The following SOX5 variants were observed in gnomAD, a reference collection of about 807,000 sequenced individuals.
SOX5 encodes the protein transcription factor SOX-5.
Under a neutral mutation model 92.0 loss-of-function variants are expected in SOX5, and 9 were observed. The ratio of observed to expected loss-of-function variants is 0.10; its 90% CI spans 0.06 to 0.17. The LOEUF is 0.17. SOX5 is among the 10% of genes least tolerant of loss of function. SOX5 has a pLI of 1.00. For synonymous variants in SOX5, 344 were observed against 336.3 expected, an observed-to-expected ratio of 1.02 and a Z score of -0.25; for missense variants, 642 against 944.5, an observed-to-expected ratio of 0.68 and a Z score of 4.20.
At chr12:24,118,361 C>A (rs1357688654) in intron 4 of SOX5, among the ~76,000 whole-genome samples, 1 of 151,698 alleles carries the variant, frequency 6.6e-6, no homozygotes, top group African/African-American at 2.4e-5. Flanking sequence ...CACATTGTAC[C>A]CCATAAGTAT....
intron 11 of SOX5, among the ~76,000 whole-genome samples, chr12:23,558,221 C>A (rs1271968827): frequency 1.3e-5 from 2 of 152,140 alleles, no homozygotes; most frequent in African/African-American, 4.8e-5. Flanking sequence ...TCAGAGAAGA[C>A]AGGATTAGCT....
At chr12:24,238,250 G>T (rs1409458437) in intron 3 of SOX5, among the ~76,000 whole-genome samples, 2 of 152,306 alleles carry the variant, frequency 1.3e-5, no homozygotes, top group Non-Finnish European at 1.5e-5. Context: ...ATGGTGGATA[G>T]CAGAGAGGCA....
At chr12:24,533,920 T>C (rs1951408714) in intron 1 of SOX5, among the ~76,000 whole-genome samples, 1 of 152,188 alleles carries the variant, frequency 6.6e-6, no homozygotes, top group Non-Finnish European at 1.5e-5. Context: ...GAATGTATAT[T>C]ATGAATAATG....
intron 4 of SOX5, among the ~76,000 whole-genome samples, chr12:24,157,184 C>T (rs182155503): frequency 2.6e-5 from 4 of 152,074 alleles, no homozygotes; most frequent in Non-Finnish European, 4.4e-5. Context: ...TCGTGGCATT[C>T]CTATACATAG....
chr12:24,476,387 C>T (rs182713939), intron 1 of SOX5, among the ~76,000 whole-genome samples: 12 of 152,268 alleles, frequency 7.9e-5, no homozygotes, highest in African/African-American at 2.2e-4. Context: ...CTTTGCAAAG[C>T]GCTCATGTAG....
chr12:24,069,430 G>T (rs922917202), intron 4 of SOX5, among the ~76,000 whole-genome samples: 2 of 152,248 alleles, frequency 1.3e-5, no homozygotes, highest in Admixed American at 1.3e-4. Context: ...CAAAGCAACT[G>T]TGTAATTAAA....
intron 2 of SOX5, among the ~76,000 whole-genome samples, chr12:24,279,209 G>T (rs1190294555): frequency 6.6e-6 from 1 of 152,052 alleles, no homozygotes; most frequent in Non-Finnish European, 1.5e-5. Context: ...TATGGCAAAA[G>T]ATTGGAAATA....
intron 1 of SOX5, among the ~76,000 whole-genome samples, chr12:23,929,411 G>A (rs563693408): frequency 1.3e-5 from 2 of 151,954 alleles, no homozygotes; most frequent in South Asian, 4.2e-4. Flanking sequence ...AAAACATTCT[G>A]TGCTGTGAGC....
At position 23,795,652 on chromosome 12, in the gene SOX5, A is replaced by G. The variant is rs145305432; in HGVS notation, c.482-39928T>C. Reference sequence around the variant, plus strand: ...CAAATAATCCGGGAAAACAGAAAAAATGCTGAATGGGAGTTTTGTGGGTAG... The same window carrying G: ...CAAATAATCCGGGAAAACAGAAAAAGTGCTGAATGGGAGTTTTGTGGGTAG... On this transcript the variant is annotated intron_variant, in intron 3 of 14. Transcript: ENST00000451604. Among the ~76,000 whole-genome samples the G allele has an allele frequency of 1.5e-3, 227 of 152,194 alleles. 4 individuals are homozygous for G. Among genetic ancestry groups the G allele is most frequent in the Middle Eastern group, 6.8e-3 (2 of 294 alleles).
chr12:23,887,948 T>TGTGTGTGTGTGC (rs1401737614), intron 2 of SOX5, among the ~76,000 whole-genome samples: 1 of 151,860 alleles, frequency 6.6e-6, no homozygotes, highest in African/African-American at 2.4e-5. Context: ...TGTGTGTGTG[T>TGTGTGTGTGTGC]GTATTTAATA....
At chr12:24,246,901 A>G (rs1938885006) in intron 3 of SOX5, among the ~76,000 whole-genome samples, 1 of 152,198 alleles carries the variant, frequency 6.6e-6, no homozygotes, top group African/African-American at 2.4e-5. Context: ...GAGGGGATTT[A>G]TGAAACAGTC....
At chr12:23,908,944 T>C (rs1214406441) in intron 1 of SOX5, among the ~76,000 whole-genome samples, 3 of 152,124 alleles carry the variant, frequency 2.0e-5, no homozygotes, top group East Asian at 3.8e-4. Context: ...TTAATCTTTC[T>C]AGTTTTAGCA....
At chr12:23,625,987 G>GA (rs1337379574) in intron 8 of SOX5, among the ~76,000 whole-genome samples, 1 of 151,630 alleles carries the variant, frequency 6.6e-6, no homozygotes, top group Non-Finnish European at 1.5e-5. Context: ...AGAACTTGAA[G>GA]AAAAAAGAGA....
chr12:24,521,519 A>G (rs1950262268), intron 1 of SOX5, among the ~76,000 whole-genome samples: 1 of 152,242 alleles, frequency 6.6e-6, no homozygotes, highest in East Asian at 1.9e-4. Flanking sequence ...CTTCTCGAGC[A>G]AATGTGGAAC....
rs34791864 is a variant in SOX5 at position 23,561,813 on chromosome 12, T to TA, written c.1488+1444dup. The stretch of plus-strand genomic sequence containing the variant: ...TAGAGTTGTCTCTGCTTTGGAGGAT[T>TA]AAAAAAAAAAAAAAAAAGGGTACAG... On this transcript the variant is annotated intron_variant, in intron 11 of 14. Transcript: ENST00000451604. Among the ~76,000 whole-genome samples, 192 of 139,068 alleles carry TA rather than the reference T, an allele frequency of 1.4e-3. 1 individual carries two copies. Among genetic ancestry groups the TA allele is most frequent in the Middle Eastern group, 7.4e-3 (2 of 270 alleles). The allele number at this position is 139,068 out of a possible 152,430, so 91.2% of individuals were successfully genotyped here.
chr12:23,779,814 TACAC>T (rs1555337311), intron 3 of SOX5, among the ~76,000 whole-genome samples: 186 of 110,800 alleles, frequency 1.7e-3, no homozygotes, highest in South Asian at 2.3e-3. Context: ...TATATATATA[TACAC>T]ACACACACAC....
chr12:23,544,334 A>G (rs1447378114), intron 12 of SOX5, among the ~76,000 whole-genome samples: 1 of 152,232 alleles, frequency 6.6e-6, no homozygotes, highest in Non-Finnish European at 1.5e-5. Flanking sequence ...GAAAATAAGG[A>G]GAACCAGTAG....
intron 1 of SOX5, among the ~76,000 whole-genome samples, chr12:24,384,370 A>G (rs1043833575): frequency 9.2e-5 from 14 of 152,226 alleles, no homozygotes; most frequent in African/African-American, 2.9e-4. Flanking sequence ...CCCGGTTTCT[A>G]ATAGGTCACG....
chr12:24,385,515 T>A (rs560711403), intron 1 of SOX5, among the ~76,000 whole-genome samples: 1 of 152,172 alleles, frequency 6.6e-6, no homozygotes, highest in Non-Finnish European at 1.5e-5. Flanking sequence ...AGAGTTAAGA[T>A]AATCCAGAGA....
Sources: allele counts gnomAD v4.1 joint callset (sites outside exome capture counted in the v4.1 genomes callset), GRCh38; gene constraint gnomAD v4.1.1; transcripts MANE v1.5; gene names NCBI Gene and HGNC (gene_info 2026-07-23, HGNC 2026-07-21).